The following KLRB1 variants were observed in gnomAD, a reference collection of about 807,000 sequenced individuals.
KLRB1 encodes the protein killer cell lectin like receptor B1, also known as killer cell lectin-like receptor subfamily B member 1.
In KLRB1, 27 loss-of-function variants were observed where a neutral mutation model predicts 33.5. The observed-to-expected ratio is 0.81, with a 90% CI of 0.59 to 1.11. KLRB1 has a LOEUF of 1.11. Among genes scored for constraint, KLRB1 ranks in the 50% most tolerant of loss-of-function variants. The pLI, the probability that KLRB1 is intolerant of heterozygous loss-of-function variation, is 0.00. For synonymous variants in KLRB1, 64 were observed against 88.9 expected (o/e 0.72, Z 1.58); for missense variants, 241 against 254.1 (o/e 0.95, Z 0.35).
At position 9,595,032 on chromosome 12, in the gene KLRB1, A is replaced by G. The variant is rs767023131; in HGVS notation, c.*242T>C. 3.3e-5 allele frequency: 15 copies of G among 454,824 alleles called. No homozygotes were observed. Among genetic ancestry groups the G allele is most frequent in the Non-Finnish European group, 5.1e-5 (13 of 254,054 alleles). The allele number at this position is 454,824 out of a possible 1,614,324, so 28.2% of individuals were successfully genotyped here. A position where few individuals can be genotyped will look rare whatever the true frequency, so the allele number is the denominator to read the frequency against. On this transcript the variant is annotated 3_prime_UTR_variant, in exon 6 of 6. Coordinates refer to ENST00000229402, the MANE Select transcript of KLRB1 (RefSeq NM_002258.3). Reference sequence around the variant, plus strand: ...ATTCGGGGACATCCTTCACTCCTTCACCATAGAATATCACTGTTTCTTTAA... The same window carrying G: ...ATTCGGGGACATCCTTCACTCCTTCGCCATAGAATATCACTGTTTCTTTAA...
chr12:9,607,354 TCC>T (rs1864625322), intron 1 of KLRB1, among the ~76,000 whole-genome samples: 1 of 89,562 alleles, frequency 1.1e-5, no homozygotes, highest in Non-Finnish European at 2.2e-5. Flanking sequence ...CTTTCTTTCT[TCC>T]TTTCTTTCTT....
chr12:9,603,628 GTTT>G (rs1315818938), intron 1 of KLRB1, among the ~76,000 whole-genome samples: 6 of 146,740 alleles, frequency 4.1e-5, no homozygotes, highest in African/African-American at 1.5e-4. Context: ...GTAGAGACGG[GTTT>G]CTCCATGTTG....
In KLRB1 at chr12:9,604,211, GA is replaced by G. The variant is rs537598820; in HGVS notation, c.86-2613del. Among the ~76,000 whole-genome samples the G allele has an allele frequency of 3.9e-4, 59 of 152,280 alleles. No individual in the cohort carries two copies. In the South Asian group the frequency reaches 0.012, roughly 31 times the overall value. ...AATGAATCACTACAGGGGTCCGGCG[GA>G]CGTTAGCTATCTGGAAATACCTACC... On this transcript the variant is annotated intron_variant, in intron 1 of 5. Transcript: ENST00000229402.
Position 9,598,613 on chromosome 12 carries a change from T to C in KLRB1, c.300A>G (p.Gln100=), listed in dbSNP as rs772576036. ...AAAATAACAAGCATTTCTCTCGGAG[T>C]TGCTGCCAATATATTGGGCAGTTTA... ...GLLNCPIYWQ[Q]LREKCLLFSH... Residue 100 remains glutamine (Q), a synonymous_variant, in exon 4 of 6, where the codon CAA becomes CAG. Transcript: ENST00000229402. 6.2e-7 allele frequency: 1 copy of C among 1,613,126 alleles called. No homozygotes were observed. Among genetic ancestry groups the C allele is most frequent in the East Asian group, 2.2e-5 (1 of 44,858 alleles).
intron 5 of KLRB1, among the ~76,000 whole-genome samples, chr12:9,597,130 G>T (rs985911): frequency 0.49 from 73,725 of 151,856 alleles, 18,094 homozygotes; most frequent in African/African-American, 0.51. Flanking sequence ...ATTATCTTAG[G>T]ATAATGTAGA....
rs1211800235 is a variant in KLRB1, at chr12:9,601,555, T to A, written c.130A>T (p.Ser44Cys). 1 of 1,613,772 alleles carries A rather than the reference T, an allele frequency of 6.2e-7. No homozygotes were observed. Among genetic ancestry groups the A allele is most frequent in the Non-Finnish European group, 8.5e-7 (1 of 1,179,826 alleles). ...SPWHQFALKL[S>C]CAGIILLVLV... ...ACAAGGAGAATAATCCCAGCACAGC[T>A]AAGTTTCAGGGCAAATTGATGCCAA... Residue 44 changes from serine (S) to cysteine (C), a missense_variant, in exon 2 of 6, where the codon AGC becomes TGC. Transcript: ENST00000229402.
At chr12:9,606,756 A>ATTTTTTTTTTTTTTTTTTTTTT (rs1188705968) in intron 1 of KLRB1, among the ~76,000 whole-genome samples, 8 of 31,540 alleles carry the variant, frequency 2.5e-4, no homozygotes, top group Admixed American at 5.1e-4. Flanking sequence ...ATATATATAT[A>ATTTTTTTTTTTTTTTTTTTTTT]TATATTTTTT....
Position 9,598,242 on chromosome 12 carries a change from C to T in KLRB1, c.415-81G>A, listed in dbSNP as rs925198699. 30 of 893,256 alleles carry T rather than the reference C, an allele frequency of 3.4e-5. No individual in the cohort carries two copies. The African/African-American group carries it at 4.5e-4, about 13-fold the overall frequency. 55.3% of individuals were successfully genotyped at this position (893,256 alleles called of 1,614,324 possible). On this transcript the variant is annotated intron_variant, in intron 4 of 5. Transcript: ENST00000229402. ...CTAAAACCTAGTTCAAGCATCACCT[C>T]ATCTCTGAAGTCTTTCCTAACTCGT...
At chr12:9,598,685 G>A in intron 3 of KLRB1, 32 bp from the exon 4 acceptor site, 4 of 1,526,740 alleles carry the variant, frequency 2.6e-6, no homozygotes, top group South Asian at 1.2e-5. Flanking sequence ...AGAAATAAAT[G>A]TTATATTTCT....
chr12:9,601,833 G>A (rs1210513509), intron 1 of KLRB1, among the ~76,000 whole-genome samples: 2 of 152,108 alleles, frequency 1.3e-5, no homozygotes, highest in South Asian at 2.1e-4. Context: ...AAATATGAAC[G>A]CTTATGCATG....
chr12:9,598,696 A>T, intron 3 of KLRB1, 43 bp from the exon 4 acceptor site: 2 of 1,459,000 alleles, frequency 1.4e-6, no homozygotes, highest in Non-Finnish European at 1.9e-6. Context: ...TTATATTTCT[A>T]ACCTATCCCT....
chr12:9,600,834 ATGGCCTCG>A (rs1167082687), intron 2 of KLRB1, among the ~76,000 whole-genome samples: 2 of 151,606 alleles, frequency 1.3e-5, no homozygotes, highest in African/African-American at 4.8e-5. Flanking sequence ...AGTCTGAAAT[ATGGCCTCG>A]TGGGAAGGGA....
At chr12:9,597,419 C>T (rs926848076) in intron 5 of KLRB1, among the ~76,000 whole-genome samples, 5 of 11,244 alleles carry the variant, frequency 4.4e-4, no homozygotes, top group African/African-American at 4.8e-4. Context: ...TTGCCTGTGT[C>T]GCAAATGCCT....
rs1471124847 is a variant in KLRB1 at position 9,606,779 on chromosome 12, G to A, written c.85+976C>T. The stretch of plus-strand genomic sequence containing the variant: ...ATATATATTTTTTTTTTTTTTTTGA[G>A]ATAGTCTTGCTGTGTCACCCAGGCT... On this transcript the variant is annotated intron_variant, in intron 1 of 5. Coordinates refer to ENST00000229402, the MANE Select transcript of KLRB1 (RefSeq NM_002258.3). 4.3e-5 allele frequency among the ~76,000 whole-genome samples: 3 copies of A among 69,042 alleles called. No individual in the cohort carries two copies. The East Asian group carries it at 1.1e-3, about 25-fold the overall frequency. The allele number at this position is 69,042 out of a possible 152,430, so 45.3% of individuals were successfully genotyped here.
At chr12:9,602,434 A>G (rs910602624) in intron 1 of KLRB1, among the ~76,000 whole-genome samples, 1 of 152,156 alleles carries the variant, frequency 6.6e-6, no homozygotes, top group African/African-American at 2.4e-5. Context: ...AGAGAGATTT[A>G]TAAAAATATT....
chr12:9,606,742 ATATATATATATATATATATTTT>A (rs1864607461), intron 1 of KLRB1, among the ~76,000 whole-genome samples: 4 of 22,842 alleles, frequency 1.8e-4, no homozygotes, highest in African/African-American at 8.0e-4. Flanking sequence ...AAGTATATAT[ATATATATATATATATATATTTT>A]TTTTTTTTTT....
chr12:9,601,705 A>G (rs1864545175), intron 1 of KLRB1, 106 bp from the exon 2 acceptor site: 3 of 701,392 alleles, frequency 4.3e-6, no homozygotes, highest in East Asian at 5.4e-5. Context: ...TTGGGATAAC[A>G]TAGGGACAAT....
intron 1 of KLRB1, among the ~76,000 whole-genome samples, chr12:9,607,342 T>TCC (rs1864623565): frequency 5.4e-4 from 31 of 57,698 alleles, no homozygotes; most frequent in Non-Finnish European, 9.3e-4. Context: ...TTTCCTTTCT[T>TCC]TCTTTCTTTC....
At chr12:9,606,517 T>C (rs896553692) in intron 1 of KLRB1, 3 of 151,814 alleles carry the variant, frequency 2.0e-5, no homozygotes, top group Admixed American at 6.6e-5. Context: ...TTCTAAGCTG[T>C]GATACTTTTC....
Sources: gnomAD v4.1 joint callset for allele counts (sites outside exome capture counted in the v4.1 genomes callset) on GRCh38, gnomAD v4.1.1 for gene constraint, MANE v1.5 for transcripts, NCBI Gene and HGNC (gene_info 2026-07-23, HGNC 2026-07-21) for gene names.